SLCO2A1: variants seen among roughly 807,000 people sequenced by gnomAD.
The protein encoded by SLCO2A1 is matrin F/G 1.
SLCO2A1 carries 60 observed loss-of-function variants against 71.7 expected under a neutral mutation model. The ratio of observed to expected loss-of-function variants is 0.84; its 90% CI spans 0.68 to 1.04. The LOEUF is 1.04. Ranked by LOEUF, SLCO2A1 falls within the 50% of genes least tolerant of loss-of-function variation. The pLI, the probability that SLCO2A1 is intolerant of heterozygous loss-of-function variation, is 0.00. For synonymous variants in SLCO2A1, 308 were observed against 326.7 expected, an observed-to-expected ratio of 0.94 and a Z score of 0.62; for missense variants, 745 against 813.4, an observed-to-expected ratio of 0.92 and a Z score of 1.02.
At chr3:133,959,314 A>G (rs933551884) in intron 3 of SLCO2A1, among the ~76,000 whole-genome samples, 1 of 152,018 alleles carries the variant, frequency 6.6e-6, no homozygotes, top group East Asian at 1.9e-4. Flanking sequence ...TACCCAGAGC[A>G]TCAAAAAAGC....
At chr3:133,978,393 G>C (rs1203490115) in intron 2 of SLCO2A1, among the ~76,000 whole-genome samples, 1 of 152,128 alleles carries the variant, frequency 6.6e-6, no homozygotes, top group Non-Finnish European at 1.5e-5. Context: ...TGTGAAGAGT[G>C]CCTCCCTCCT....
chr3:133,951,448 G>T, intron 5 of SLCO2A1, 104 bp from the exon 6 acceptor site: 1 of 1,382,004 alleles, frequency 7.2e-7, no homozygotes. Flanking sequence ...TTCTTCCCAG[G>T]ATGCAGAAGA....
intron 2 of SLCO2A1, among the ~76,000 whole-genome samples, chr3:133,978,074 G>A (rs900462982): frequency 2.0e-5 from 3 of 152,188 alleles, no homozygotes; most frequent in East Asian, 3.9e-4. Flanking sequence ...AGGACTGTGC[G>A]TGTATATGTG....
At chr3:133,953,813 C>T (rs1368713343) in intron 4 of SLCO2A1, 52 bp from the exon 5 acceptor site, 16 of 1,441,938 alleles carry the variant, frequency 1.1e-5, no homozygotes, top group Non-Finnish European at 1.6e-5. Flanking sequence ...GAGAGTTTGG[C>T]AGCCTTGGGC....
chr3:134,028,838 C>G (rs1489157208), intron 1 of SLCO2A1, among the ~76,000 whole-genome samples: 2 of 152,340 alleles, frequency 1.3e-5, no homozygotes, highest in South Asian at 4.1e-4. Flanking sequence ...CTAGGCAGAA[C>G]GGGCAAAAGA....
At chr3:133,969,208 G>A (rs1390108267) in intron 3 of SLCO2A1, among the ~76,000 whole-genome samples, 1 of 152,148 alleles carries the variant, frequency 6.6e-6, no homozygotes, top group Non-Finnish European at 1.5e-5. Flanking sequence ...GAGGTGGGTG[G>A]ATCACAAGGT....
intron 3 of SLCO2A1, among the ~76,000 whole-genome samples, chr3:133,961,267 C>A (rs1934027991): frequency 6.6e-6 from 1 of 152,038 alleles, no homozygotes; most frequent in East Asian, 1.9e-4. Flanking sequence ...GAATGCATAG[C>A]CCAGAGGGTG....
chr3:133,999,306 T>C (rs1410310335), intron 1 of SLCO2A1, among the ~76,000 whole-genome samples: 2 of 152,190 alleles, frequency 1.3e-5, no homozygotes, highest in African/African-American at 4.8e-5. Flanking sequence ...ATGCACACAG[T>C]TTACAATTCC....
intron 8 of SLCO2A1, among the ~76,000 whole-genome samples, chr3:133,947,778 C>T (rs1478294994): frequency 6.6e-6 from 1 of 152,138 alleles, no homozygotes; most frequent in Non-Finnish European, 1.5e-5. Flanking sequence ...GTTAGCAACA[C>T]AAGAGTGATG....
intron 2 of SLCO2A1, among the ~76,000 whole-genome samples, chr3:133,977,538 G>A (rs1934490117): frequency 6.6e-6 from 1 of 152,124 alleles, no homozygotes; most frequent in Admixed American, 6.5e-5. Context: ...CCTGGGCTGA[G>A]GTGAAGGAGA....
At chr3:133,961,874 C>A (rs971067368) in intron 3 of SLCO2A1, among the ~76,000 whole-genome samples, 1 of 152,116 alleles carries the variant, frequency 6.6e-6, no homozygotes, top group Non-Finnish European at 1.5e-5. Flanking sequence ...AAGGGAACAG[C>A]AGTTAAATGC....
intron 3 of SLCO2A1, among the ~76,000 whole-genome samples, chr3:133,960,971 C>T (rs1013339025): frequency 6.6e-6 from 1 of 151,942 alleles, no homozygotes; most frequent in Non-Finnish European, 1.5e-5. Flanking sequence ...CATTCCACAA[C>T]ATGAATAAAG....
chr3:133,978,391 G>C (rs1233165275), intron 2 of SLCO2A1, among the ~76,000 whole-genome samples: 1 of 152,174 alleles, frequency 6.6e-6, no homozygotes, highest in Non-Finnish European at 1.5e-5. Context: ...ACTGTGAAGA[G>C]TGCCTCCCTC....
intron 5 of SLCO2A1, among the ~76,000 whole-genome samples, chr3:133,952,277 A>T (rs1432676835): frequency 6.6e-6 from 1 of 152,192 alleles, no homozygotes; most frequent in Non-Finnish European, 1.5e-5. Context: ...GCCAAATGAC[A>T]CCATGCAGAT....
At chr3:133,950,963 C>T in intron 6 of SLCO2A1, 2 of 500,864 alleles carry the variant, frequency 4.0e-6, no homozygotes, top group South Asian at 4.1e-5. Context: ...AAACTGTTCC[C>T]TGGAGGTCTC....
At chr3:134,010,816 T>C (rs1935324584) in intron 1 of SLCO2A1, among the ~76,000 whole-genome samples, 1 of 146,022 alleles carries the variant, frequency 6.8e-6, no homozygotes, top group South Asian at 2.2e-4. Context: ...AAAAACAGCA[T>C]GGGGGAAACT....
At chr3:133,950,970 TCTC>T in intron 6 of SLCO2A1, 1 of 512,128 alleles carries the variant, frequency 2.0e-6, no homozygotes, top group East Asian at 3.6e-5. Flanking sequence ...TCCCTGGAGG[TCTC>T]CTGATCCTTG....
intron 3 of SLCO2A1, among the ~76,000 whole-genome samples, chr3:133,968,514 G>A (rs1328850794): frequency 6.6e-6 from 1 of 152,210 alleles, no homozygotes; most frequent in African/African-American, 2.4e-5. Context: ...GTTGGGGATG[G>A]CAACTTCATG....
At chr3:133,942,819 T>C (rs752966995) in intron 10 of SLCO2A1, 51 bp from the exon 11 acceptor site, 1 of 1,548,758 alleles carries the variant, frequency 6.5e-7, no homozygotes, top group Non-Finnish European at 8.8e-7. Context: ...TTATTTCACT[T>C]TCACACACTT....
Sources: gnomAD v4.1 joint callset for allele counts (sites outside exome capture counted in the v4.1 genomes callset) on GRCh38, gnomAD v4.1.1 for gene constraint, MANE v1.5 for transcripts, NCBI Gene and HGNC (gene_info 2026-07-23, HGNC 2026-07-21) for gene names.